The following CA12 variants were observed in gnomAD, a reference collection of about 807,000 sequenced individuals.
The protein encoded by CA12 is carbonic anhydrase 12.
A neutral mutation model predicts 46.8 loss-of-function variants in CA12; 36 were observed. The observed-to-expected ratio is 0.77, with a 90% confidence interval of 0.59 to 1.02. The LOEUF (loss-of-function observed/expected upper bound fraction) is 1.02. CA12 is among the 50% of genes least tolerant of loss of function. The pLI is 0.00. For missense variants in CA12, 436 were observed against 451.4 expected (o/e 0.97, Z 0.31); for synonymous variants, 202 against 187.0 (o/e 1.08, Z -0.65).
intron 2 of CA12, among the ~76,000 whole-genome samples, chr15:63,360,396 C>T (rs1324993889): frequency 6.6e-6 from 1 of 152,210 alleles, no homozygotes; most frequent in Admixed American, 6.5e-5. Flanking sequence ...CTTTGCCCTG[C>T]AGGGAGATAT....
rs61733915 is a variant in CA12, at chr15:63,340,400, G to A, written c.635C>T (p.Pro212Leu). Residue 212 changes from proline (P) to leucine (L), a missense_variant, in exon 7 of 11, where the codon CCG becomes CTG. By Grantham distance (98) the Pro-to-Leu change is moderately conservative. Transcript: ENST00000178638. This position sits in a 1 kb window ranked among gnomAD's most constrained non-coding sequence, Gnocchi z 4.4. ...GCGGTAATATTCAGCGGTCCTCTCC[G>A]GAAGCAGCTCTTCAATGTTGAATCC... is the stretch of plus-strand genomic sequence containing the variant. ...VPGFNIEELL[P>L]ERTAEYYRYR... 54 of 1,614,130 alleles carry A rather than the reference G, an allele frequency of 3.3e-5. No individual in the cohort carries two copies. Among genetic ancestry groups the A allele is most frequent in the Admixed American group, 5.0e-5 (3 of 60,014 alleles).
chr15:63,329,072 G>A lies in CA12; in HGVS notation c.875-942C>T, dbSNP rs753409057. Among the ~76,000 whole-genome samples, 22 of 152,302 alleles carry A rather than the reference G, an allele frequency of 1.4e-4. No homozygotes were observed. Among genetic ancestry groups the A allele is most frequent in the Non-Finnish European group, 2.9e-4 (20 of 68,024 alleles). ...AAAGGTAGGGATCAAAGCCTGCTTG[G>A]GCAGGCTCCTGTCCATGTCCCTGGT... On this transcript the variant is annotated intron_variant, in intron 8 of 10. Coordinates refer to ENST00000178638, the MANE Select transcript of CA12 (RefSeq NM_001218.5). This position sits in a 1 kb window ranked among gnomAD's most constrained non-coding sequence, Gnocchi z 4.8.
intron 8 of CA12, among the ~76,000 whole-genome samples, chr15:63,336,550 T>C (rs1197562748): frequency 7.1e-6 from 1 of 141,682 alleles, no homozygotes; most frequent in Non-Finnish European, 1.5e-5. Context: ...TGGCTTTTTT[T>C]TTTTTTTTTT....
chr15:63,365,759 G>GT (rs2039428160), intron 2 of CA12, among the ~76,000 whole-genome samples: 1 of 152,118 alleles, frequency 6.6e-6, no homozygotes, highest in African/African-American at 2.4e-5. Flanking sequence ...TTCCTCTGGG[G>GT]TTTCACACTC....
intron 2 of CA12, among the ~76,000 whole-genome samples, chr15:63,368,432 T>G (rs2039461927): frequency 1.3e-5 from 2 of 152,168 alleles, no homozygotes; most frequent in African/African-American, 4.8e-5. Flanking sequence ...GACTGCAGGA[T>G]CCCGAGGAAA....
intron 4 of CA12, 113 bp from the exon 5 acceptor site, chr15:63,342,210 C>T: frequency 2.7e-6 from 2 of 732,088 alleles, no homozygotes; most frequent in Non-Finnish European, 5.0e-6. Context: ...CCCTCAGCCC[C>T]CCAGACTAGG....
chr15:63,381,507 A>T, intron 1 of CA12, 129 bp downstream of exon 1: 1 of 777,020 alleles, frequency 1.3e-6, no homozygotes, highest in Non-Finnish European at 2.2e-6. Context: ...TTTCTTGAGA[A>T]TCTACTATTT....
Position 63,344,368 on chromosome 15 carries a change from G to A in CA12, c.429+1109C>T, listed in dbSNP as rs556892941. ...GCACAGACTTGTCTCCCTGTCTCCCGGGCATGTGTCCTTAACCTTGGCAAA... is the reference window on the plus strand; with the variant it reads ...GCACAGACTTGTCTCCCTGTCTCCCAGGCATGTGTCCTTAACCTTGGCAAA... On this transcript the variant is annotated intron_variant, in intron 4 of 10. Transcript: ENST00000178638. Among the ~76,000 whole-genome samples the A allele has an allele frequency of 1.5e-4, 23 of 152,274 alleles. No individual in the cohort carries two copies. In the South Asian group the frequency reaches 2.5e-3, roughly 16 times the overall value.
At chr15:63,337,026 C>T (rs934268779) in intron 8 of CA12, among the ~76,000 whole-genome samples, 2 of 152,174 alleles carry the variant, frequency 1.3e-5, no homozygotes, top group East Asian at 1.9e-4. Context: ...GAAAAGACAG[C>T]GTTGTATCCA....
At chr15:63,338,242 A>G (rs2039028913) in intron 8 of CA12, among the ~76,000 whole-genome samples, 1 of 152,250 alleles carries the variant, frequency 6.6e-6, no homozygotes, top group Non-Finnish European at 1.5e-5. Flanking sequence ...TGCTTATGCA[A>G]GCTCCAAGGA....
In CA12 at chr15:63,372,516, T is replaced by C. The variant is rs1277150155; in HGVS notation, c.106+3142A>G. On this transcript the variant is annotated intron_variant, in intron 2 of 10. Coordinates refer to ENST00000178638, the MANE Select transcript of CA12 (RefSeq NM_001218.5). This position sits in a 1 kb window ranked among gnomAD's most constrained non-coding sequence, Gnocchi z 4.5. Reference sequence around the variant, plus strand: ...AAGTCCTACCATGTGTGCCAGACAGTGGGAGGCCCCTGGAGAATGACTCAG... The same window carrying C: ...AAGTCCTACCATGTGTGCCAGACAGCGGGAGGCCCCTGGAGAATGACTCAG... Among the ~76,000 whole-genome samples the C allele has an allele frequency of 6.6e-6, 1 of 152,218 alleles. No homozygotes were observed. The highest frequency in any genetic ancestry group is 1.9e-4 in the East Asian group (1 of 5,194).
chr15:63,334,564 G>A (rs2038975895), intron 8 of CA12, among the ~76,000 whole-genome samples: 1 of 152,182 alleles, frequency 6.6e-6, no homozygotes, highest in South Asian at 2.1e-4. Flanking sequence ...AATGGAAGAG[G>A]CACTTTTTAA....
At position 63,324,118 on chromosome 15, in the gene CA12, T is replaced by A. The variant is rs1046605485; in HGVS notation, c.*2167A>T. ...GGACCCACAGGAATCCTGTGAGGATTTGCAAAGACATTGATAGTGTTGGTT... is the reference window on the plus strand; with the variant it reads ...GGACCCACAGGAATCCTGTGAGGATATGCAAAGACATTGATAGTGTTGGTT... On this transcript the variant is annotated 3_prime_UTR_variant, in exon 11 of 11. Coordinates refer to ENST00000178638, the MANE Select transcript of CA12 (RefSeq NM_001218.5). 2 of 152,278 alleles carry A rather than the reference T, an allele frequency of 1.3e-5. No individual in the cohort carries two copies. The highest frequency in any genetic ancestry group is 4.8e-5 in the African/African-American group (2 of 41,468). 9.4% of individuals were successfully genotyped at this position (152,278 alleles called of 1,614,324 possible). A position where few individuals can be genotyped will look rare whatever the true frequency, so the allele number is the denominator to read the frequency against.
At position 63,346,790 on chromosome 15, in the gene CA12, A is replaced by T. The variant is rs1403605206; in HGVS notation, c.107-81T>A. On this transcript the variant is annotated intron_variant, in intron 2 of 10. Transcript: ENST00000178638. ...TATCTTCTAATTCTCTGTTCAATAC[A>T]ATTACTCCTTTTCTCCTCTTTTCTG... 3.4e-6 allele frequency: 5 copies of T among 1,457,120 alleles called. No homozygotes were observed. The East Asian group carries it at 6.8e-5, about 20-fold the overall frequency. The allele number at this position is 1,457,120 out of a possible 1,614,324, so 90.3% of individuals were successfully genotyped here.
chr15:63,335,993 A>G (rs2038998805), intron 8 of CA12, among the ~76,000 whole-genome samples: 1 of 138,910 alleles, frequency 7.2e-6, no homozygotes, highest in Non-Finnish European at 1.7e-5. Context: ...AAGGGAGGGG[A>G]GGAGAATTCT....
intron 2 of CA12, chr15:63,375,332 C>T (rs1211537996): frequency 3.5e-6 from 1 of 283,482 alleles, no homozygotes; most frequent in East Asian, 7.7e-5. Flanking sequence ...TCTCTCCTGC[C>T]CAGGACCCTT....
Position 63,340,093 on chromosome 15 carries a change from A to T in CA12, c.747+195T>A. The T allele has an allele frequency of 1.5e-6, 1 of 668,318 alleles. No homozygotes were observed. Among genetic ancestry groups the T allele is most frequent in the Non-Finnish European group, 2.6e-6 (1 of 379,342 alleles). 41.4% of individuals were successfully genotyped at this position (668,318 alleles called of 1,614,324 possible). A position where few individuals can be genotyped will look rare whatever the true frequency, so the allele number is the denominator to read the frequency against. ...AAAAAGAACTAGGAGACATCTATTC[A>T]TTTGCCTAGCTTGACTTCTTTTGAA... is the stretch of plus-strand genomic sequence containing the variant. On this transcript the variant is annotated intron_variant, in intron 7 of 10. Coordinates refer to ENST00000178638, the MANE Select transcript of CA12 (RefSeq NM_001218.5). This position sits in a 1 kb window ranked among gnomAD's most constrained non-coding sequence, Gnocchi z 4.4.
intron 8 of CA12, among the ~76,000 whole-genome samples, chr15:63,334,731 C>T (rs1181496558): frequency 6.6e-6 from 1 of 152,198 alleles, no homozygotes; most frequent in African/African-American, 2.4e-5. Context: ...GTTGCTACTT[C>T]AGAGGCATCT....
chr15:63,352,655 ACACG>A (rs1301490354), intron 2 of CA12, among the ~76,000 whole-genome samples: 1 of 152,174 alleles, frequency 6.6e-6, no homozygotes, highest in Admixed American at 6.5e-5. Context: ...CCGGCTACCA[ACACG>A]CAGTCAGATC....
Sources: gnomAD v4.1 joint callset for allele counts (sites outside exome capture counted in the v4.1 genomes callset) on GRCh38, gnomAD v4.1.1 for gene constraint, Gnocchi (gnomAD v3.1) non-coding constraint, MANE v1.5 for transcripts, NCBI Gene and HGNC (gene_info 2026-07-23, HGNC 2026-07-21) for gene names.